The following FBLN5 variants were observed in gnomAD, a reference collection of about 807,000 sequenced individuals.
FBLN5 encodes the protein fibulin 5.
In FBLN5, 24 loss-of-function variants were observed where a neutral mutation model predicts 61.6. That is an observed-to-expected ratio of 0.39 (90% CI 0.28 to 0.55). The LOEUF is 0.55. Among genes scored for constraint, FBLN5 ranks in the 20% least tolerant of loss-of-function variants. The probability of loss-of-function intolerance (pLI) is 0.65; values close to 1 mark genes in which losing one functional copy is unlikely to be tolerated. For missense variants in FBLN5, 470 were observed against 594.1 expected (o/e 0.79, Z 2.17); for synonymous variants, 213 against 219.8 (o/e 0.97, Z 0.27).
intron 9 of FBLN5, 50 bp from the exon 10 acceptor site, chr14:91,877,732 T>G: frequency 6.9e-7 from 1 of 1,445,514 alleles, no homozygotes; most frequent in Non-Finnish European, 9.7e-7. Context: ...TTCCAGGTGC[T>G]GGCTGTGCCT....
In FBLN5 at chr14:91,947,182, GAGAAAGA is replaced by G; in HGVS notation, c.17+24_17+30del. The G allele has an allele frequency of 6.2e-7, 1 of 1,614,062 alleles. No homozygotes were observed. Among genetic ancestry groups the G allele is most frequent in the South Asian group, 1.1e-5 (1 of 91,076 alleles). On this transcript the variant is annotated intron_variant, in intron 1 of 10. Coordinates refer to ENST00000342058, the MANE Select transcript of FBLN5 (RefSeq NM_006329.4). The surrounding 1 kb of genome is among the most constrained non-coding windows in gnomAD (Gnocchi z 4.3). The stretch of plus-strand genomic sequence containing the variant: ...TTTTTAGCAAGGCTTCCAGACCCTG[GAGAAAGA>G]AAAGTCCAGCGCCGAGAACCCACCT...
chr14:91,893,508 C>A (rs1217913840), intron 5 of FBLN5, among the ~76,000 whole-genome samples: 1 of 152,162 alleles, frequency 6.6e-6, no homozygotes, highest in Non-Finnish European at 1.5e-5. Context: ...TTCTTTGTTT[C>A]CATGATTTCG....
intron 4 of FBLN5, among the ~76,000 whole-genome samples, chr14:91,919,268 T>C (rs1234095557): frequency 6.9e-6 from 1 of 144,040 alleles, no homozygotes; most frequent in Non-Finnish European, 1.5e-5. Flanking sequence ...GAGGTAGAGG[T>C]TGCAGTCAGC....
chr14:91,878,120 T>G (rs141140903), intron 9 of FBLN5: 1 of 375,972 alleles, frequency 2.7e-6, no homozygotes, highest in Admixed American at 3.7e-5. Flanking sequence ...GGGATCCTTG[T>G]ACATTCTCTA....
chr14:91,870,347 G>T lies in FBLN5; in HGVS notation c.1224C>A (p.Arg408=). Residue 408 remains arginine, a synonymous_variant, in exon 11 of 11, where the codon CGC becomes CGA. Transcript: ENST00000342058. ...GGATTTCCCGGGGCCCTTTGATGGG[G>T]CGTGTCATCACCAGGGTGGCACTGA... ...GPISATLVMT[R]PIKGPREIQL... 1 of 1,614,178 alleles carries T rather than the reference G, an allele frequency of 6.2e-7. No individual in the cohort carries two copies. Among genetic ancestry groups the T allele is most frequent in the South Asian group, 1.1e-5 (1 of 91,086 alleles).
chr14:91,914,960 G>C (rs1279816059), intron 4 of FBLN5, among the ~76,000 whole-genome samples: 2 of 151,908 alleles, frequency 1.3e-5, no homozygotes, highest in African/African-American at 2.4e-5. Context: ...AGGAGTTTAA[G>C]ACCAGCCTGA....
At chr14:91,900,310 AAAT>A (rs1208516948) in intron 4 of FBLN5, among the ~76,000 whole-genome samples, 1 of 152,264 alleles carries the variant, frequency 6.6e-6, no homozygotes, top group African/African-American at 2.4e-5. Context: ...GTTCAAATAT[AAAT>A]AACATGCATA....
At chr14:91,916,477 G>A (rs1891202029) in intron 4 of FBLN5, among the ~76,000 whole-genome samples, 1 of 152,106 alleles carries the variant, frequency 6.6e-6, no homozygotes, top group Non-Finnish European at 1.5e-5. Context: ...TCAGGTGAGG[G>A]ACTAGGCATT....
chr14:91,944,417 A>G (rs2140058240), intron 1 of FBLN5, among the ~76,000 whole-genome samples: 1 of 152,348 alleles, frequency 6.6e-6, no homozygotes, highest in Non-Finnish European at 1.5e-5. Context: ...CACTAAACAT[A>G]GAATTTCCAT....
Position 91,947,098 on chromosome 14 carries a change from C to G in FBLN5, c.17+115G>C. ...ATATCATTGCATCACTAGCTCATGC[C>G]TTTTCCAATATCCTGACACCGCCTG... On this transcript the variant is annotated intron_variant, in intron 1 of 10. Transcript: ENST00000342058. The surrounding 1 kb of genome is among the most constrained non-coding windows in gnomAD (Gnocchi z 4.3). 2 of 1,562,496 alleles carry G rather than the reference C, an allele frequency of 1.3e-6. No individual in the cohort carries two copies. Among genetic ancestry groups the G allele is most frequent in the Non-Finnish European group, 1.7e-6 (2 of 1,144,590 alleles).
intron 4 of FBLN5, among the ~76,000 whole-genome samples, chr14:91,908,055 T>C (rs927272124): frequency 6.6e-6 from 1 of 152,180 alleles, no homozygotes; most frequent in Admixed American, 6.5e-5. Context: ...TGCTCATAAG[T>C]GCCTGATCAA....
chr14:91,944,315 T>A (rs1160744336), intron 1 of FBLN5, among the ~76,000 whole-genome samples: 5 of 152,102 alleles, frequency 3.3e-5, no homozygotes. Context: ...AGAGCAAGCG[T>A]TAGGGAGGAT....
chr14:91,922,527 A>T (rs994084085), intron 4 of FBLN5, among the ~76,000 whole-genome samples: 1 of 152,130 alleles, frequency 6.6e-6, no homozygotes, highest in African/African-American at 2.4e-5. Flanking sequence ...CTCCATGGGG[A>T]GAAGTGGAGA....
Position 91,869,918 on chromosome 14 carries a change from C to T in FBLN5, c.*306G>A, listed in dbSNP as rs1368126855. 2 of 392,264 alleles carry T rather than the reference C, an allele frequency of 5.1e-6. No individual in the cohort carries two copies. Among genetic ancestry groups the T allele is most frequent in the Admixed American group, 7.3e-5 (2 of 27,538 alleles). The allele number at this position is 392,264 out of a possible 1,614,324, so 24.3% of individuals were successfully genotyped here. A position where few individuals can be genotyped will look rare whatever the true frequency, so the allele number is the denominator to read the frequency against. On this transcript the variant is annotated 3_prime_UTR_variant, in exon 11 of 11. Transcript: ENST00000342058. The stretch of plus-strand genomic sequence containing the variant: ...AGACTCAGACCCCCGCAAACCTAAT[C>T]TATTTTCTTTGAAAATAGTGGAAAT...
At chr14:91,881,611 C>G (rs890596984) in intron 8 of FBLN5, among the ~76,000 whole-genome samples, 193 bp from the exon 9 acceptor site, 1 of 141,746 alleles carries the variant, frequency 7.1e-6, no homozygotes, top group African/African-American at 2.4e-5. Context: ...AAATACACAC[C>G]AGATTTTGAT....
intron 4 of FBLN5, among the ~76,000 whole-genome samples, chr14:91,907,342 C>G (rs577627687): frequency 5.3e-5 from 8 of 152,236 alleles, no homozygotes; most frequent in Admixed American, 4.6e-4. Flanking sequence ...CCTACCAGCC[C>G]GAAACCACCT....
At chr14:91,887,468 T>G (rs1295168420) in intron 6 of FBLN5, among the ~76,000 whole-genome samples, 156 bp from the exon 7 acceptor site, 1 of 152,094 alleles carries the variant, frequency 6.6e-6, no homozygotes, top group African/African-American at 2.4e-5. Context: ...AGCATGATCT[T>G]AGATCCAAAA....
intron 6 of FBLN5, among the ~76,000 whole-genome samples, chr14:91,888,194 G>T (rs2139970364): frequency 1.3e-5 from 2 of 152,224 alleles, no homozygotes; most frequent in Non-Finnish European, 2.9e-5. Flanking sequence ...AGCTACCCGG[G>T]AGGCTGAGGA....
rs17127688 is a variant in FBLN5, at chr14:91,882,527, C to T, written c.862+427G>A. On this transcript the variant is annotated intron_variant, in intron 8 of 10. Coordinates refer to ENST00000342058, the MANE Select transcript of FBLN5 (RefSeq NM_006329.4). This position sits in a 1 kb window ranked among gnomAD's most constrained non-coding sequence, Gnocchi z 4.9. ...GCATGAGGTCTCCCTGGCAACCATG[C>T]TCTAGGAGATCACTTGGAGAAAGGC... Among the ~76,000 whole-genome samples the T allele has an allele frequency of 0.026, 3,965 of 152,294 alleles. 76 individuals carry two copies. Among genetic ancestry groups the T allele is most frequent in the East Asian group, 0.084 (435 of 5,170 alleles).
Sources: gnomAD v4.1 joint callset for allele counts (sites outside exome capture counted in the v4.1 genomes callset) on GRCh38, gnomAD v4.1.1 for gene constraint, Gnocchi (gnomAD v3.1) non-coding constraint, MANE v1.5 for transcripts, NCBI Gene and HGNC (gene_info 2026-07-23, HGNC 2026-07-21) for gene names.